Variants in PPM1H observed in about 807,000 individuals in gnomAD.
PPM1H encodes protein phosphatase 1H.
PPM1H carries 27 observed loss-of-function variants against 54.9 expected under a neutral mutation model. That is an observed-to-expected ratio of 0.49 (90% CI 0.36 to 0.68). PPM1H has a LOEUF of 0.68. Ranked by LOEUF, PPM1H falls within the 30% of genes least tolerant of loss-of-function variation. PPM1H has a pLI of 0.00. For synonymous variants in PPM1H, 305 were observed against 270.8 expected (o/e 1.13, Z -1.24); for missense variants, 596 against 667.8 (o/e 0.89, Z 1.19).
At chr12:62,817,152 T>TAA (rs2076873724) in intron 2 of PPM1H, among the ~76,000 whole-genome samples, 3 of 63,134 alleles carry the variant, frequency 4.8e-5, no homozygotes, top group Non-Finnish European at 8.7e-5. Flanking sequence ...AAAAAAAAAC[T>TAA]AAAAAAAAGA....
chr12:62,679,277 G>C (rs1270722818), intron 8 of PPM1H, among the ~76,000 whole-genome samples: 1 of 152,182 alleles, frequency 6.6e-6, no homozygotes, highest in African/African-American at 2.4e-5. Context: ...GAGCCACCAT[G>C]CCTGGCCACC....
chr12:62,885,900 C>T (rs899240006), intron 1 of PPM1H, among the ~76,000 whole-genome samples: 1 of 152,158 alleles, frequency 6.6e-6, no homozygotes, highest in Non-Finnish European at 1.5e-5. Context: ...ATCATTTCAC[C>T]TGCTTATAGT....
chr12:62,693,494 G>A (rs2136641162), intron 7 of PPM1H, among the ~76,000 whole-genome samples: 1 of 152,294 alleles, frequency 6.6e-6, no homozygotes, highest in South Asian at 2.1e-4. Flanking sequence ...CACCACATCC[G>A]CAGCTGCCCC....
At chr12:62,791,620 A>G (rs1336490368) in intron 3 of PPM1H, among the ~76,000 whole-genome samples, 3 of 152,346 alleles carry the variant, frequency 2.0e-5, no homozygotes, top group Non-Finnish European at 4.4e-5. Flanking sequence ...GACAATATTT[A>G]TTAAAAATTA....
chr12:62,780,981 G>A (rs2076638602), intron 4 of PPM1H, among the ~76,000 whole-genome samples: 1 of 152,238 alleles, frequency 6.6e-6, no homozygotes, highest in Non-Finnish European at 1.5e-5. Flanking sequence ...TCCCAGCTTA[G>A]CCTTTCAGTG....
intron 1 of PPM1H, among the ~76,000 whole-genome samples, chr12:62,852,228 C>CA (rs59673617): frequency 0.029 from 1,739 of 59,462 alleles, 58 homozygotes; most frequent in South Asian, 0.1. Context: ...GACTCTGTCT[C>CA]AAAAAAAAAA....
chr12:62,871,541 G>A (rs1303177009), intron 1 of PPM1H, among the ~76,000 whole-genome samples: 1 of 144,634 alleles, frequency 6.9e-6, no homozygotes, highest in South Asian at 2.2e-4. Flanking sequence ...TTGAGATAGG[G>A]TCTCACTCTG....
chr12:62,681,439 A>G (rs1178699313), intron 8 of PPM1H, among the ~76,000 whole-genome samples: 1 of 152,042 alleles, frequency 6.6e-6, no homozygotes, highest in Non-Finnish European at 1.5e-5. Context: ...CCCATCTCCC[A>G]TGGTTACGGC....
chr12:62,653,941 C>G (rs148005697), intron 9 of PPM1H, among the ~76,000 whole-genome samples: 2 of 152,122 alleles, frequency 1.3e-5, no homozygotes, highest in Non-Finnish European at 2.9e-5. Flanking sequence ...GAAATGCAGT[C>G]TCCCAATAGA....
intron 4 of PPM1H, among the ~76,000 whole-genome samples, chr12:62,741,566 C>G (rs1208313979): frequency 6.6e-6 from 1 of 152,156 alleles, no homozygotes; most frequent in Non-Finnish European, 1.5e-5. Context: ...CATGGTTAGC[C>G]CATTTCTCTG....
chr12:62,646,994 T>C lies in PPM1H; in HGVS notation c.*1495A>G, dbSNP rs2075789323. ...TCCTTTTTGGGTCAGAAGAGTGTTT[T>C]AATTACTCAAAGTTGTCAAAATGGT... On this transcript the variant is annotated 3_prime_UTR_variant, in exon 10 of 10. Transcript: ENST00000228705. 1 of 152,028 alleles carries C rather than the reference T, an allele frequency of 6.6e-6. No homozygotes were observed. Among genetic ancestry groups the C allele is most frequent in the Admixed American group, 6.5e-5 (1 of 15,282 alleles). The allele number at this position is 152,028 out of a possible 1,614,324, so 9.4% of individuals were successfully genotyped here.
At chr12:62,774,498 C>T (rs893328746) in intron 4 of PPM1H, among the ~76,000 whole-genome samples, 5 of 152,126 alleles carry the variant, frequency 3.3e-5, no homozygotes, top group African/African-American at 7.2e-5. Flanking sequence ...TGTGCCACCA[C>T]ATCTGGCTAA....
intron 1 of PPM1H, among the ~76,000 whole-genome samples, chr12:62,897,195 C>T (rs926933465): frequency 6.6e-6 from 1 of 151,946 alleles, no homozygotes; most frequent in African/African-American, 2.4e-5. Context: ...CACATGTATA[C>T]ATATGTGACA....
rs117085639 is a variant in PPM1H at position 62,667,193 on chromosome 12, G to T, written c.1382C>A (p.Pro461Gln). 525 of 1,598,678 alleles carry T rather than the reference G, an allele frequency of 3.3e-4. 2 individuals carry two copies. In the East Asian group the frequency reaches 0.01, roughly 32 times the overall value. The change falls in exon 9 of 10, where the codon CCA (proline) becomes CAA (glutamine). Residue 461 changes from proline (P) to glutamine (Q), a missense_variant. By Grantham distance (76) the Pro-to-Gln change is moderately conservative (BLOSUM62 -1). Coordinates refer to ENST00000228705, the MANE Select transcript of PPM1H (RefSeq NM_020700.2). ...AITQFLPNCD[P>Q]DDPHRYTLAA... is the part of the protein sequence containing the mutation. ...ATGCACAAACCTGTGAGGATCATCTGGATCACAGTTAGGAAGAAACTGAGT... is the reference window on the plus strand; with the variant it reads ...ATGCACAAACCTGTGAGGATCATCTTGATCACAGTTAGGAAGAAACTGAGT...
Position 62,688,706 on chromosome 12 carries a change from T to A in PPM1H, c.1245+993A>T, listed in dbSNP as rs118027812. 5.4e-3 allele frequency among the ~76,000 whole-genome samples: 821 copies of A among 152,228 alleles called. 3 individuals are homozygous for A. The highest frequency in any genetic ancestry group is 9.1e-3 in the Non-Finnish European group (616 of 68,022). Reference sequence around the variant, plus strand: ...AGGGGATAAGGTATACATAAATAACTATGATCAGGCCAGGTGTGGTAGCTC... The same window carrying A: ...AGGGGATAAGGTATACATAAATAACAATGATCAGGCCAGGTGTGGTAGCTC... On this transcript the variant is annotated intron_variant, in intron 8 of 9. Transcript: ENST00000228705.
At chr12:62,675,394 G>C (rs556380957) in intron 8 of PPM1H, among the ~76,000 whole-genome samples, 9 of 152,274 alleles carry the variant, frequency 5.9e-5, no homozygotes, top group Non-Finnish European at 1.0e-4. Context: ...TAGATCCAAA[G>C]GACCATTGAA....
intron 4 of PPM1H, among the ~76,000 whole-genome samples, chr12:62,740,900 A>C (rs2076377889): frequency 1.3e-5 from 2 of 152,204 alleles, no homozygotes. Context: ...TATACTCTTA[A>C]TATCTGCTGC....
chr12:62,933,946 C>T (rs182379629), intron 1 of PPM1H: 1 of 152,776 alleles, frequency 6.5e-6, no homozygotes. Context: ...AGCGGAGGAA[C>T]TCGCGGGCTG....
At chr12:62,900,705 A>G (rs539614974) in intron 1 of PPM1H, among the ~76,000 whole-genome samples, 423 of 152,026 alleles carry the variant, frequency 2.8e-3, no homozygotes, top group Non-Finnish European at 3.4e-3. Context: ...ATACCATCTA[A>G]CCTAATCCAC....
Sources: gnomAD v4.1 joint callset for allele counts (sites outside exome capture counted in the v4.1 genomes callset) on GRCh38, gnomAD v4.1.1 for gene constraint, MANE v1.5 for transcripts, NCBI Gene and HGNC (gene_info 2026-07-23, HGNC 2026-07-21) for gene names.